CAMK2D: variants seen among roughly 807,000 people sequenced by gnomAD.
CAMK2D encodes the protein calcium/calmodulin-dependent protein kinase type II subunit delta.
In CAMK2D, 37 loss-of-function variants were observed where a neutral mutation model predicts 84.0. The ratio of observed to expected loss-of-function variants is 0.44; its 90% CI spans 0.34 to 0.58. CAMK2D has a LOEUF of 0.58. Ranked by LOEUF, CAMK2D falls within the 20% of genes least tolerant of loss-of-function variation. The pLI, the probability that CAMK2D is intolerant of heterozygous loss-of-function variation, is 0.02. For synonymous variants in CAMK2D, 202 were observed against 212.5 expected (o/e 0.95, Z 0.43); for missense variants, 448 against 652.5 (o/e 0.69, Z 3.41).
Position 113,761,680 on chromosome 4 carries a change from TGGC to T in CAMK2D, c.-615_-613del. 1.0e-6 allele frequency: 1 copy of T among 983,754 alleles called. No homozygotes were observed. Among genetic ancestry groups the T allele is most frequent in the Non-Finnish European group, 1.2e-6 (1 of 828,546 alleles). 60.9% of individuals were successfully genotyped at this position (983,754 alleles called of 1,614,324 possible). The stretch of plus-strand genomic sequence containing the variant: ...GCGGCTCCGGCGAAGCGAGGCACCT[TGGC>T]GGCCTCGCGCTGCTCACGAGCCCGC... On this transcript the variant is annotated 5_prime_UTR_variant, in exon 1 of 21. Coordinates refer to ENST00000511664, the MANE Select transcript of CAMK2D (RefSeq NM_001321571.2).
chr4:113,477,347 T>G (rs572711125), intron 16 of CAMK2D, among the ~76,000 whole-genome samples: 7 of 152,224 alleles, frequency 4.6e-5, no homozygotes, highest in Admixed American at 4.6e-4. Flanking sequence ...ACATGCTTTT[T>G]AATAAAGGAT....
At chr4:113,589,687 A>G (rs2098852383) in intron 4 of CAMK2D, among the ~76,000 whole-genome samples, 1 of 152,206 alleles carries the variant, frequency 6.6e-6, no homozygotes. Context: ...TGAGATGCCA[A>G]TTAGACATGC....
intron 2 of CAMK2D, among the ~76,000 whole-genome samples, chr4:113,664,365 A>C (rs914945876): frequency 3.3e-5 from 5 of 152,194 alleles, no homozygotes; most frequent in African/African-American, 9.7e-5. Flanking sequence ...GGCATATCTT[A>C]ACTGAGCCCT....
At chr4:113,568,107 G>A (rs1289507593) in intron 4 of CAMK2D, among the ~76,000 whole-genome samples, 1 of 152,054 alleles carries the variant, frequency 6.6e-6, no homozygotes, top group Non-Finnish European at 1.5e-5. Flanking sequence ...ATACACACAC[G>A]ATGAAATTTA....
Position 113,719,194 on chromosome 4 carries a change from A to G in CAMK2D, c.160+40126T>C, listed in dbSNP as rs116740838. ...AATTTATAGGAAGCCATTGATTTGG[A>G]CTGAGATCCTGTACTAGGACCCAAC... On this transcript the variant is annotated intron_variant, in intron 2 of 20. Coordinates refer to ENST00000511664, the MANE Select transcript of CAMK2D (RefSeq NM_001321571.2). 3.5e-3 allele frequency among the ~76,000 whole-genome samples: 539 copies of G among 152,246 alleles called. 4 individuals carry two copies. The highest frequency in any genetic ancestry group is 0.012 in the African/African-American group (511 of 41,556).
intron 3 of CAMK2D, among the ~76,000 whole-genome samples, chr4:113,616,323 A>G (rs1201958589): frequency 2.0e-5 from 3 of 152,208 alleles, no homozygotes; most frequent in Non-Finnish European, 4.4e-5. Flanking sequence ...AGGTCAAAGC[A>G]TATCAACTCT....
intron 4 of CAMK2D, among the ~76,000 whole-genome samples, chr4:113,583,041 G>T (rs1184744752): frequency 6.6e-6 from 1 of 152,158 alleles, no homozygotes; most frequent in Non-Finnish European, 1.5e-5. Flanking sequence ...TTAAAAGGTG[G>T]GGCTCACCAA....
intron 4 of CAMK2D, among the ~76,000 whole-genome samples, chr4:113,603,773 T>TATATATATATATATATATATATA (rs2098964722): frequency 2.3e-5 from 3 of 127,968 alleles, no homozygotes; most frequent in African/African-American, 9.8e-5. Flanking sequence ...TCTTGCTATT[T>TATATATATATATATATATATATA]TATATATATA....
At chr4:113,455,133 T>C (rs2097289679) in intron 20 of CAMK2D, among the ~76,000 whole-genome samples, 1 of 152,180 alleles carries the variant, frequency 6.6e-6, no homozygotes, top group Non-Finnish European at 1.5e-5. Context: ...AACCCAAGTC[T>C]AAGAAACAAT....
At chr4:113,531,578 C>A (rs2098458529) in intron 7 of CAMK2D, among the ~76,000 whole-genome samples, 1 of 152,076 alleles carries the variant, frequency 6.6e-6, no homozygotes, top group Admixed American at 6.5e-5. Flanking sequence ...TACTTAAGGC[C>A]ACTTTTGGTT....
chr4:113,497,889 G>C (rs2097962630), intron 16 of CAMK2D, among the ~76,000 whole-genome samples: 1 of 152,240 alleles, frequency 6.6e-6, no homozygotes, highest in Non-Finnish European at 1.5e-5. Context: ...ATGTATGGGG[G>C]TATGCCTTTA....
At position 113,526,414 on chromosome 4, in the gene CAMK2D, A is replaced by ATATGTGTGTGTGTGTGTG. The variant is rs1553930374; in HGVS notation, c.601+4801_601+4802insCACACACACACACACATA. On this transcript the variant is annotated intron_variant, in intron 8 of 20. Coordinates refer to ENST00000511664, the MANE Select transcript of CAMK2D (RefSeq NM_001321571.2). ...ATAAGTTTCTAAGGAGTCATTCTTG[A>ATATGTGTGTGTGTGTGTG]TGTGTGTGTGTGTGTGTGTGTGTGT... 9.1e-3 allele frequency among the ~76,000 whole-genome samples: 1,365 copies of ATATGTGTGTGTGTGTGTG among 149,662 alleles called. 26 individuals carry two copies. The highest frequency in any genetic ancestry group is 0.032 in the African/African-American group (1,286 of 40,492).
intron 2 of CAMK2D, among the ~76,000 whole-genome samples, chr4:113,722,219 G>A (rs967148766): frequency 1.4e-4 from 22 of 151,990 alleles, no homozygotes; most frequent in Admixed American, 1.2e-3. Context: ...CAACTAAAAG[G>A]TGAAAATAGC....
chr4:113,508,231 C>T, intron 13 of CAMK2D: 1 of 1,545,164 alleles, frequency 6.5e-7, no homozygotes, highest in Non-Finnish European at 8.8e-7. Flanking sequence ...CAGATAGATC[C>T]TCACCATCAT....
chr4:113,703,989 A>G (rs1319422831), intron 2 of CAMK2D, among the ~76,000 whole-genome samples: 4 of 148,812 alleles, frequency 2.7e-5, no homozygotes. Context: ...CTTAAATCTC[A>G]AATACCTGAA....
intron 3 of CAMK2D, among the ~76,000 whole-genome samples, chr4:113,637,308 G>A (rs2099113789): frequency 6.6e-6 from 1 of 152,150 alleles, no homozygotes; most frequent in Non-Finnish European, 1.5e-5. Flanking sequence ...TAGGACACGT[G>A]TAATTCTAAA....
rs148065429 is a variant in CAMK2D, at chr4:113,624,866, C to T, written c.221-15660G>A. ...TGGTAACCTATAATCAACAAATAGG[C>T]ACCATAAGAATTGCAGAGAAAGCTG... On this transcript the variant is annotated intron_variant, in intron 3 of 20. Coordinates refer to ENST00000511664, the MANE Select transcript of CAMK2D (RefSeq NM_001321571.2). 1.6e-3 allele frequency among the ~76,000 whole-genome samples: 248 copies of T among 152,274 alleles called. 1 individual carries two copies. The highest frequency in any genetic ancestry group is 5.6e-3 in the African/African-American group (234 of 41,556).
chr4:113,499,802 A>G (rs532156658), intron 16 of CAMK2D, among the ~76,000 whole-genome samples: 2 of 152,330 alleles, frequency 1.3e-5, no homozygotes, highest in South Asian at 4.1e-4. Flanking sequence ...TACAAAAGTA[A>G]TACTTCTAAA....
At chr4:113,735,028 A>T (rs1431346845) in intron 2 of CAMK2D, among the ~76,000 whole-genome samples, 2 of 151,992 alleles carry the variant, frequency 1.3e-5, no homozygotes, top group Non-Finnish European at 2.9e-5. Flanking sequence ...AAGACATTTT[A>T]AAAAAGTAAA....
Sources: allele counts gnomAD v4.1 joint callset (sites outside exome capture counted in the v4.1 genomes callset), GRCh38; gene constraint gnomAD v4.1.1; transcripts MANE v1.5; gene names NCBI Gene and HGNC (gene_info 2026-07-23, HGNC 2026-07-21).